CASD1: variants seen among roughly 807,000 people sequenced by gnomAD.
The protein encoded by CASD1 is CAS1 domain sialic acid O acetyltransferase 1.
A neutral mutation model predicts 100.0 loss-of-function variants in CASD1; 41 were observed. The observed-to-expected ratio is 0.41, with a 90% CI of 0.32 to 0.53. CASD1 has a LOEUF of 0.53. Ranked by LOEUF, CASD1 falls within the 20% of genes least tolerant of loss-of-function variation. The probability of loss-of-function intolerance (pLI) is 0.25; values close to 1 mark genes in which losing one functional copy is unlikely to be tolerated. For synonymous variants in CASD1, 321 were observed against 315.6 expected, an observed-to-expected ratio of 1.02 and a Z score of -0.18; for missense variants, 774 against 948.7, an observed-to-expected ratio of 0.82 and a Z score of 2.42.
rs1795190205 is a variant in CASD1, at chr7:94,537,760, A to G, written c.1132A>G (p.Met378Val). 3 of 1,613,814 alleles carry G rather than the reference A, an allele frequency of 1.9e-6. No homozygotes were observed. The highest frequency in any genetic ancestry group is 2.5e-6 in the Non-Finnish European group (3 of 1,179,868). The change falls in exon 9 of 18, where the codon ATG (methionine) becomes GTG (valine). Residue 378 changes from methionine to valine, a missense_variant. Met to Val is a conservative substitution (Grantham distance 21, BLOSUM62 1). Around this residue, in one of 5 missense-constraint regions of CASD1, gnomAD observed 453 missense variants for 532.6 expected, o/e 0.85. Coordinates refer to ENST00000297273, the MANE Select transcript of CASD1 (RefSeq NM_022900.5). ...ATCTTTCTGCAAACTTGGCCTGATT[A>G]TGGCATATTTCTATATGTGTGACCG... Reference protein sequence around the residue: ...LQSFCKLGLIMAYFYMCDRAN... With the variant: ...LQSFCKLGLIVAYFYMCDRAN...
At position 94,545,587 on chromosome 7, in the gene CASD1, G is replaced by T. The variant is rs1430310106; in HGVS notation, c.1519G>T (p.Val507Leu). 1 of 1,609,436 alleles carries T rather than the reference G, an allele frequency of 6.2e-7. No individual in the cohort carries two copies. The highest frequency in any genetic ancestry group is 8.5e-7 in the Non-Finnish European group (1 of 1,176,378). ...TTTCCTGGTAGTGGTGTTATGTATA[G>T]TAATGGATCGACCTTATCAATTCTA... Reference protein sequence around the residue: ...LNFLVVVLCIVMDRPYQFYYF... With the variant: ...LNFLVVVLCILMDRPYQFYYF... The change falls in exon 12 of 18, where the codon GTA (valine) becomes TTA (leucine). Residue 507 changes from valine to leucine, a missense_variant. By Grantham distance (32) the Val-to-Leu change is conservative (BLOSUM62 1). Around this residue, in one of 5 missense-constraint regions of CASD1, gnomAD observed 453 missense variants for 532.6 expected, o/e 0.85. Transcript: ENST00000297273.
At chr7:94,619,098 C>T in the CASD1 span, 1 of 680,588 alleles carries the variant, frequency 1.5e-6, no homozygotes, top group African/African-American at 1.8e-5. Context: ...TAAAGGCTTT[C>T]TGTTTAACAG....
the CASD1 span, among the ~76,000 whole-genome samples, chr7:94,594,786 C>T: frequency 6.6e-6 from 1 of 152,096 alleles, no homozygotes; most frequent in Non-Finnish European, 1.5e-5. Context: ...AGAATAAACA[C>T]ATTAGCCAAG....
rs1584377633 is a variant in CASD1, at chr7:94,518,261, C to T, written c.289C>T (p.Arg97Cys). Residue 97 changes from arginine to cysteine, a missense_variant, in exon 3 of 18, where the codon CGT (arginine) becomes TGT (cysteine). Coordinates refer to ENST00000297273, the MANE Select transcript of CASD1 (RefSeq NM_022900.5). ...TGCATTTATTGGAGATTCCAGAATTCGTCAATTGTTTTATTCTTTTGTAAA... is the reference window on the plus strand; with the variant it reads ...TGCATTTATTGGAGATTCCAGAATTTGTCAATTGTTTTATTCTTTTGTAAA... ...HIAFIGDSRI[R>C]QLFYSFVKII... 1.9e-6 allele frequency: 3 copies of T among 1,575,246 alleles called. No homozygotes were observed. Among genetic ancestry groups the T allele is most frequent in the African/African-American group, 1.4e-5 (1 of 72,768 alleles).
the CASD1 span, chr7:94,587,925 C>G: frequency 6.9e-7 from 1 of 1,445,572 alleles, no homozygotes; most frequent in Non-Finnish European, 9.1e-7. Flanking sequence ...TTCCCTACCA[C>G]AATGCCGCTA....
chr7:94,589,763 TG>T, the CASD1 span: 1 of 186,732 alleles, frequency 5.4e-6, no homozygotes, highest in Non-Finnish European at 1.1e-5. Flanking sequence ...CACCCCCTGA[TG>T]GTACTGTCTA....
chr7:94,557,332 C>G (rs558036080), downstream of CASD1, among the ~76,000 whole-genome samples: 44 of 152,176 alleles, frequency 2.9e-4, no homozygotes, highest in Admixed American at 1.4e-3. Flanking sequence ...TTCCTTTTCT[C>G]TCTTCTTTTG....
chr7:94,598,612 G>A, the CASD1 span: 25 of 667,122 alleles, frequency 3.7e-5, no homozygotes, highest in Middle Eastern at 1.9e-3. Flanking sequence ...TAATTGTATT[G>A]TATATTTCAG....
chr7:94,564,480 TG>T, the CASD1 span, among the ~76,000 whole-genome samples: 17 of 152,210 alleles, frequency 1.1e-4, no homozygotes, highest in Admixed American at 7.9e-4. Context: ...GTCTTCCACT[TG>T]GCCTTCATCC....
chr7:94,540,101 T>C (rs1226368323), intron 10 of CASD1, among the ~76,000 whole-genome samples: 2 of 152,208 alleles, frequency 1.3e-5, no homozygotes, highest in Non-Finnish European at 2.9e-5. Context: ...AAAAAATGTG[T>C]GTTCTGAGTT....
At chr7:94,567,494 T>G in the CASD1 span, among the ~76,000 whole-genome samples, 1 of 152,162 alleles carries the variant, frequency 6.6e-6, no homozygotes, top group South Asian at 2.1e-4. Flanking sequence ...TGTGTATACT[T>G]CATTTTTGGC....
the CASD1 span, among the ~76,000 whole-genome samples, chr7:94,610,331 G>T: frequency 2.0e-5 from 3 of 152,130 alleles, no homozygotes; most frequent in Admixed American, 2.0e-4. Context: ...ACCGCCAAGA[G>T]TAACACCTAA....
At position 94,547,165 on chromosome 7, in the gene CASD1, C is replaced by T; in HGVS notation, c.1703C>T (p.Ala568Val). 6.3e-7 allele frequency: 1 copy of T among 1,580,892 alleles called. No homozygotes were observed. Among genetic ancestry groups the T allele is most frequent in the Non-Finnish European group, 8.6e-7 (1 of 1,161,672 alleles). Residue 568 changes from alanine (A) to valine (V), a missense_variant, in exon 13 of 18, where the codon GCA (alanine) becomes GTA (valine). Transcript: ENST00000297273. ...TTGCTGTTATTCATATGTTTTTTGG[C>T]ATATTCTCAGGTTTGTACAATCTTT... ...GFLLLFICFL[A>V]YSQGAFEKIF...
At chr7:94,628,318 T>A in the CASD1 span, 1 of 1,611,462 alleles carries the variant, frequency 6.2e-7, no homozygotes, top group Non-Finnish European at 8.5e-7. Flanking sequence ...GGGTAACCCA[T>A]TAAATTTGTA....
chr7:94,573,738 TGTTCTG>T, the CASD1 span, among the ~76,000 whole-genome samples: 2 of 152,184 alleles, frequency 1.3e-5, no homozygotes, highest in African/African-American at 4.8e-5. Context: ...CTTGCTTGAT[TGTTCTG>T]GCTAGGACTT....
chr7:94,576,703 C>T, the CASD1 span, among the ~76,000 whole-genome samples: 1 of 152,314 alleles, frequency 6.6e-6, no homozygotes, highest in East Asian at 1.9e-4. Context: ...TCACACATTC[C>T]TCCTGGAACA....
chr7:94,597,155 T>G, the CASD1 span: 1 of 152,104 alleles, frequency 6.6e-6, no homozygotes, highest in Admixed American at 6.6e-5. Context: ...TTTGTAGACT[T>G]TAATATTTAT....
chr7:94,596,082 A>G, the CASD1 span, among the ~76,000 whole-genome samples: 76 of 152,200 alleles, frequency 5.0e-4, no homozygotes, highest in African/African-American at 1.5e-3. Flanking sequence ...TGGACTTAAA[A>G]ATACGTATGT....
chr7:94,632,304 C>T, the CASD1 span, among the ~76,000 whole-genome samples: 33 of 152,122 alleles, frequency 2.2e-4, no homozygotes, highest in African/African-American at 7.7e-4. Context: ...CCTGCCACTC[C>T]ATATCATCTC....
Sources: allele counts gnomAD v4.1 joint callset (sites outside exome capture counted in the v4.1 genomes callset), GRCh38; gene constraint gnomAD v4.1.1; regional missense constraint gnomAD v4.1.1; transcripts MANE v1.5; gene names NCBI Gene and HGNC (gene_info 2026-07-23, HGNC 2026-07-21).